The following CCSER1 variants were observed in gnomAD, a reference collection of about 807,000 sequenced individuals.
CCSER1 encodes the protein serine-rich coiled-coil domain-containing protein 1.
A neutral mutation model predicts 82.0 loss-of-function variants in CCSER1; 41 were observed. The ratio of observed to expected loss-of-function variants is 0.50; its 90% CI spans 0.39 to 0.65. CCSER1 has a LOEUF of 0.65. Ranked by LOEUF, CCSER1 falls within the 30% of genes least tolerant of loss-of-function variation. The probability of loss-of-function intolerance (pLI) is 0.00; values close to 1 mark genes in which losing one functional copy is unlikely to be tolerated. For synonymous variants in CCSER1, 414 were observed against 383.9 expected, an observed-to-expected ratio of 1.08 and a Z score of -0.92; for missense variants, 1,119 against 1,064.2, an observed-to-expected ratio of 1.05 and a Z score of -0.72.
At chr4:90,393,288 T>C (rs1371224618) in intron 3 of CCSER1, among the ~76,000 whole-genome samples, 9 of 152,194 alleles carry the variant, frequency 5.9e-5, no homozygotes, top group African/African-American at 2.2e-4. Context: ...CAGGGAAGTT[T>C]GACTGAGGAT....
At chr4:90,172,634 A>G (rs1438176784) in intron 1 of CCSER1, among the ~76,000 whole-genome samples, 1 of 151,880 alleles carries the variant, frequency 6.6e-6, no homozygotes, top group Non-Finnish European at 1.5e-5. Flanking sequence ...TTTTCCCAAG[A>G]TTTTACAACT....
At chr4:90,791,065 A>G (rs1755159526) in intron 7 of CCSER1, among the ~76,000 whole-genome samples, 1 of 152,174 alleles carries the variant, frequency 6.6e-6, no homozygotes, top group South Asian at 2.1e-4. Context: ...GGGAACTTAC[A>G]GGCATGGCAG....
At chr4:90,700,070 G>A (rs1369560175) in intron 6 of CCSER1, among the ~76,000 whole-genome samples, 1 of 151,630 alleles carries the variant, frequency 6.6e-6, no homozygotes, top group Admixed American at 6.6e-5. Context: ...CATGTGCCAT[G>A]TTGGTGTGCT....
chr4:90,844,482 C>T (rs1387879619), intron 8 of CCSER1, among the ~76,000 whole-genome samples: 3 of 152,124 alleles, frequency 2.0e-5, no homozygotes, highest in Non-Finnish European at 4.4e-5. Context: ...CTTGAACACA[C>T]AGAGCATGCT....
At chr4:91,592,237 T>G (rs1432713011) in intron 10 of CCSER1, among the ~76,000 whole-genome samples, 1 of 152,132 alleles carries the variant, frequency 6.6e-6, no homozygotes, top group Non-Finnish European at 1.5e-5. Context: ...CAGGAAGAAT[T>G]GCTGAGCAAA....
intron 10 of CCSER1, among the ~76,000 whole-genome samples, chr4:91,192,527 G>A (rs901325181): frequency 1.3e-5 from 2 of 152,118 alleles, no homozygotes; most frequent in East Asian, 3.9e-4. Context: ...CATTTACTGA[G>A]AGTTGTCAAA....
chr4:90,475,548 C>T (rs971196606), intron 5 of CCSER1, among the ~76,000 whole-genome samples: 4 of 152,166 alleles, frequency 2.6e-5, no homozygotes, highest in African/African-American at 9.7e-5. Flanking sequence ...AATGTGTTCT[C>T]TGCAGTTGGA....
intron 10 of CCSER1, among the ~76,000 whole-genome samples, chr4:91,515,258 G>A (rs1055725548): frequency 1.3e-5 from 2 of 151,968 alleles, no homozygotes; most frequent in Admixed American, 1.3e-4. Flanking sequence ...GTTAATATAG[G>A]TAAAGTCAAG....
chr4:90,826,996 T>C (rs765354533), intron 8 of CCSER1, among the ~76,000 whole-genome samples: 3 of 152,114 alleles, frequency 2.0e-5, no homozygotes, highest in Non-Finnish European at 2.9e-5. Flanking sequence ...AAACTGGAAA[T>C]GAGCATCAAG....
chr4:91,290,674 T>C (rs560458347), intron 10 of CCSER1, among the ~76,000 whole-genome samples: 1 of 152,080 alleles, frequency 6.6e-6, no homozygotes, highest in African/African-American at 2.4e-5. Context: ...CAGTTTTGTC[T>C]TACCAAAATT....
chr4:90,839,167 T>C, intron 8 of CCSER1: 1 of 735,864 alleles, frequency 1.4e-6, no homozygotes, highest in Non-Finnish European at 2.4e-6. Flanking sequence ...CTAACTTCTT[T>C]GAGAAATATT....
rs146650836 is a variant in CCSER1 at position 91,598,202 on chromosome 4, T to A, written c.2218-370T>A. On this transcript the variant is annotated intron_variant, in intron 10 of 10. Coordinates refer to ENST00000509176, the MANE Select transcript of CCSER1 (RefSeq NM_001145065.2). ...ATTAAGCCAACAAAAGCTAATGGCC[T>A]CATATGTCTATATTCATCACTTATT... 7.6e-3 allele frequency among the ~76,000 whole-genome samples: 1,164 copies of A among 152,308 alleles called. 4 individuals carry two copies. The highest frequency in any genetic ancestry group is 0.02 in the Middle Eastern group (6 of 294).
At chr4:91,283,410 C>T (rs1743061115) in intron 10 of CCSER1, among the ~76,000 whole-genome samples, 1 of 152,050 alleles carries the variant, frequency 6.6e-6, no homozygotes, top group African/African-American at 2.4e-5. Context: ...AGAGCAACTA[C>T]TAATGCACTG....
At chr4:90,920,054 TGA>T (rs758035006) in intron 8 of CCSER1, among the ~76,000 whole-genome samples, 1 of 151,884 alleles carries the variant, frequency 6.6e-6, no homozygotes, top group Non-Finnish European at 1.5e-5. Flanking sequence ...ACTATCCTTC[TGA>T]GAGAGATTAG....
intron 8 of CCSER1, among the ~76,000 whole-genome samples, chr4:90,817,965 A>G (rs1759235005): frequency 6.6e-6 from 1 of 152,142 alleles, no homozygotes; most frequent in Non-Finnish European, 1.5e-5. Flanking sequence ...GTTGAGTTAT[A>G]CCCTACTATA....
intron 9 of CCSER1, among the ~76,000 whole-genome samples, chr4:90,966,267 G>A (rs1350951595): frequency 6.6e-6 from 1 of 151,958 alleles, no homozygotes; most frequent in Non-Finnish European, 1.5e-5. Context: ...TGAAGTCCAT[G>A]TGGTATAATT....
chr4:90,838,249 G>A (rs1762060560), intron 8 of CCSER1, among the ~76,000 whole-genome samples: 1 of 151,002 alleles, frequency 6.6e-6, no homozygotes, highest in Admixed American at 6.6e-5. Context: ...GATCTTTATG[G>A]AATTTTTTTA....
intron 5 of CCSER1, among the ~76,000 whole-genome samples, chr4:90,547,919 A>G (rs1278871394): frequency 6.6e-6 from 1 of 152,174 alleles, no homozygotes; most frequent in African/African-American, 2.4e-5. Context: ...AGTAAAAGAT[A>G]TATTTGCTAA....
At chr4:91,288,094 GAT>G (rs1268341549) in intron 10 of CCSER1, among the ~76,000 whole-genome samples, 2 of 140,952 alleles carry the variant, frequency 1.4e-5, no homozygotes, top group South Asian at 2.2e-4. Context: ...ATATATATAG[GAT>G]ATATATATAG....
Sources: gnomAD v4.1 joint callset for allele counts (sites outside exome capture counted in the v4.1 genomes callset) on GRCh38, gnomAD v4.1.1 for gene constraint, MANE v1.5 for transcripts, NCBI Gene and HGNC (gene_info 2026-07-23, HGNC 2026-07-21) for gene names.